C4orf51: variants seen among roughly 807,000 people sequenced by gnomAD.
C4orf51 encodes the protein uncharacterized protein C4orf51.
A neutral mutation model predicts 25.2 loss-of-function variants in C4orf51; 25 were observed. The observed-to-expected ratio is 0.99, with a 90% confidence interval of 0.72 to 1.39. The LOEUF (loss-of-function observed/expected upper bound fraction) is 1.39. Among genes scored for constraint, C4orf51 ranks in the 40% most tolerant of loss-of-function variants. The probability of loss-of-function intolerance (pLI) is 0.00; values close to 1 mark genes in which losing one functional copy is unlikely to be tolerated. For missense variants in C4orf51, 252 were observed against 239.6 expected, an observed-to-expected ratio of 1.05 and a Z score of -0.34; for synonymous variants, 100 against 84.5, an observed-to-expected ratio of 1.18 and a Z score of -1.01.
intron 1 of C4orf51, among the ~76,000 whole-genome samples, chr4:145,691,862 C>T (rs575360835): frequency 8.3e-5 from 7 of 84,516 alleles, no homozygotes; most frequent in African/African-American, 2.0e-4. Flanking sequence ...GCCTAAACTT[C>T]GGCATCACAC....
chr4:145,701,356 C>T (rs944945329), intron 2 of C4orf51, among the ~76,000 whole-genome samples: 2 of 152,154 alleles, frequency 1.3e-5, no homozygotes, highest in Non-Finnish European at 2.9e-5. Context: ...GAACCTCCTC[C>T]CCCAGGAGCT....
At chr4:145,790,810 A>C in the C4orf51 span, among the ~76,000 whole-genome samples, 1 of 152,170 alleles carries the variant, frequency 6.6e-6, no homozygotes, top group Non-Finnish European at 1.5e-5. Context: ...CTCCTAACCT[A>C]TTGAATTCTG....
At chr4:145,767,737 T>C (rs1735532253) in intron 1 of C4orf51, among the ~76,000 whole-genome samples, 1 of 152,148 alleles carries the variant, frequency 6.6e-6, no homozygotes, top group South Asian at 2.1e-4. Context: ...AGATACACTG[T>C]CAACCTAAAA....
chr4:145,778,930 C>G, the C4orf51 span, among the ~76,000 whole-genome samples: 1 of 152,144 alleles, frequency 6.6e-6, no homozygotes, highest in East Asian at 1.9e-4. Context: ...CTTCCCTTTC[C>G]CAACTCTCAG....
intron 1 of C4orf51, among the ~76,000 whole-genome samples, chr4:145,685,764 G>A (rs1729115988): frequency 6.6e-6 from 1 of 152,034 alleles, no homozygotes; most frequent in Non-Finnish European, 1.5e-5. Flanking sequence ...TTCTTTGGAG[G>A]CAGAAATTGG....
At chr4:145,766,464 A>C (rs1355219138) in intron 1 of C4orf51, among the ~76,000 whole-genome samples, 1 of 152,240 alleles carries the variant, frequency 6.6e-6, no homozygotes, top group Non-Finnish European at 1.5e-5. Flanking sequence ...GAGGTGAGCC[A>C]TATGACTGAT....
In C4orf51 at chr4:145,708,569, T is replaced by C. The variant is rs142343788; in HGVS notation, c.307+11937T>C. On this transcript the variant is annotated intron_variant, in intron 2 of 5. Coordinates refer to ENST00000438731, the MANE Select transcript of C4orf51 (RefSeq NM_001080531.3). ...CTGGTCTTCCCATGTACCCTTCACC[T>C]TGGTCCCATCTCATCACAATTATGC... Among the ~76,000 whole-genome samples the C allele has an allele frequency of 4.0e-3, 615 of 152,340 alleles. 3 individuals carry two copies. Among genetic ancestry groups the C allele is most frequent in the African/African-American group, 0.014 (567 of 41,582 alleles).
chr4:145,769,688 T>C (rs745524979), intron 1 of C4orf51, among the ~76,000 whole-genome samples: 2 of 152,146 alleles, frequency 1.3e-5, no homozygotes, highest in Non-Finnish European at 2.9e-5. Context: ...GCCAGCCAAG[T>C]CCAAGGCTAA....
chr4:145,694,833 G>C (rs1000052122), intron 1 of C4orf51, among the ~76,000 whole-genome samples: 7 of 151,944 alleles, frequency 4.6e-5, no homozygotes, highest in African/African-American at 7.3e-5. Context: ...TTTGAAAACA[G>C]CTCCCTAGAG....
Position 145,763,540 on chromosome 4 carries a change from C to T in C4orf51, n.167-7448C>T, listed in dbSNP as rs1182687589. Among the ~76,000 whole-genome samples the T allele has an allele frequency of 6.6e-6, 1 of 152,192 alleles. No homozygotes were observed. Among genetic ancestry groups the T allele is most frequent in the Non-Finnish European group, 1.5e-5 (1 of 68,038 alleles). ...AGCAAAAGCATCAGAATTCACTGTG[C>T]ATTCTCCCCAATGGCTTCAGAGGCT... On this transcript the variant is annotated intron_variant and non_coding_transcript_variant, in intron 1 of 1. Coordinates refer to the C4orf51 transcript ENST00000510096. The surrounding 1 kb of genome is among the most constrained non-coding windows in gnomAD (Gnocchi z 4.6).
chr4:145,748,514 C>A (rs1019241863), intron 1 of C4orf51, among the ~76,000 whole-genome samples: 2 of 151,914 alleles, frequency 1.3e-5, no homozygotes, highest in African/African-American at 4.8e-5. Context: ...TTTTTTGATG[C>A]AGGCACTTAT....
intron 1 of C4orf51, among the ~76,000 whole-genome samples, chr4:145,690,574 C>T (rs1470385713): frequency 1.3e-5 from 2 of 151,948 alleles, no homozygotes; most frequent in African/African-American, 2.4e-5. Flanking sequence ...TTGCCATAGG[C>T]GAAGAATTCA....
At chr4:145,683,014 TTAAA>T (rs1728928831) in intron 1 of C4orf51, among the ~76,000 whole-genome samples, 1 of 151,260 alleles carries the variant, frequency 6.6e-6, no homozygotes, top group African/African-American at 2.4e-5. Context: ...TAAAAAAATT[TTAAA>T]AAAAAATCCC....
intron 1 of C4orf51, among the ~76,000 whole-genome samples, chr4:145,690,184 G>A (rs1443867477): frequency 7.2e-6 from 1 of 138,524 alleles, no homozygotes; most frequent in Non-Finnish European, 1.5e-5. Context: ...TCCAGCTTGG[G>A]CAACAAGAGC....
intron 1 of C4orf51, among the ~76,000 whole-genome samples, chr4:145,745,320 A>ATTTT (rs374600935): frequency 0.18 from 24,797 of 134,780 alleles, 3,049 homozygotes; most frequent in East Asian, 0.64. Flanking sequence ...TTATTCATTC[A>ATTTT]TTTTTTTTTT....
chr4:145,685,708 G>A (rs546251454), intron 1 of C4orf51, among the ~76,000 whole-genome samples: 21 of 152,226 alleles, frequency 1.4e-4, no homozygotes, highest in South Asian at 2.1e-4. Flanking sequence ...GCGGCGGGCC[G>A]TCTGCTTGTG....
chr4:145,771,240 C>T (rs778235480), downstream of C4orf51, among the ~76,000 whole-genome samples: 1 of 152,156 alleles, frequency 6.6e-6, no homozygotes, highest in Non-Finnish European at 1.5e-5. Flanking sequence ...TGTTATTTTG[C>T]AAACTGAAGA....
intron 1 of C4orf51, among the ~76,000 whole-genome samples, chr4:145,690,845 A>G (rs1215214783): frequency 6.6e-6 from 1 of 152,290 alleles, no homozygotes; most frequent in South Asian, 2.1e-4. Context: ...TCATGACTGT[A>G]ATCCCAGTAT....
At chr4:145,777,462 A>G in the C4orf51 span, among the ~76,000 whole-genome samples, 1 of 152,164 alleles carries the variant, frequency 6.6e-6, no homozygotes, top group African/African-American at 2.4e-5. Flanking sequence ...AATTTTTCCA[A>G]AATTTCTCTT....
Sources: gnomAD v4.1 joint callset for allele counts (sites outside exome capture counted in the v4.1 genomes callset) on GRCh38, gnomAD v4.1.1 for gene constraint, Gnocchi (gnomAD v3.1) non-coding constraint, MANE v1.5 for transcripts, NCBI Gene and HGNC (gene_info 2026-07-23, HGNC 2026-07-21) for gene names.